Variants in LRMDA observed in about 807,000 individuals in gnomAD.
LRMDA encodes leucine-rich melanocyte differentiation-associated protein.
Under a neutral mutation model 29.8 loss-of-function variants are expected in LRMDA, and 18 were observed. The observed-to-expected ratio is 0.60, with a 90% CI of 0.42 to 0.90. The LOEUF (loss-of-function observed/expected upper bound fraction) is 0.90, where lower values mean the gene tolerates loss of function less well. Ranked by LOEUF, LRMDA falls within the 40% of genes least tolerant of loss-of-function variation. The probability of loss-of-function intolerance (pLI) is 0.00; values close to 1 mark genes in which losing one functional copy is unlikely to be tolerated. For synonymous variants in LRMDA, 125 were observed against 109.4 expected (o/e 1.14, Z -0.89); for missense variants, 273 against 273.9 (o/e 1.00, Z 0.02).
rs575726523 is a variant in LRMDA at position 76,039,592 on chromosome 10, C to T, written c.258+3458C>T. Among the ~76,000 whole-genome samples, 3 of 152,314 alleles carry T rather than the reference C, an allele frequency of 2.0e-5. No individual in the cohort carries two copies. The East Asian group carries it at 5.8e-4, about 29-fold the overall frequency. On this transcript the variant is annotated intron_variant, in intron 3 of 6. Coordinates refer to ENST00000611255, the MANE Select transcript of LRMDA (RefSeq NM_001305581.2). ...AGACCCTGGACACTTGGGTCATTGG[C>T]TTCTTTAATCCTTTAGCAAGAGGGA...
intron 5 of LRMDA, among the ~76,000 whole-genome samples, chr10:76,141,109 AC>A (rs1267383393): frequency 6.6e-6 from 1 of 152,018 alleles, no homozygotes; most frequent in Non-Finnish European, 1.5e-5. Context: ...AAATGTGTAT[AC>A]CTTTTCTGCT....
rs534583653 is a variant in LRMDA at position 76,340,327 on chromosome 10, C to T, written c.601+15842C>T. Among the ~76,000 whole-genome samples, 41 of 151,840 alleles carry T rather than the reference C, an allele frequency of 2.7e-4. 1 individual carries two copies. In the South Asian group the frequency reaches 3.1e-3, roughly 12 times the overall value. ...GCTCAGGAGTTTGAGATCGGCCTGG[C>T]CAATATGGCAAAACCTTGTCTCTAC... On this transcript the variant is annotated intron_variant, in intron 6 of 6. Coordinates refer to ENST00000611255, the MANE Select transcript of LRMDA (RefSeq NM_001305581.2).
intron 6 of LRMDA, among the ~76,000 whole-genome samples, chr10:76,460,731 A>G (rs898090408): frequency 6.6e-6 from 1 of 152,172 alleles, no homozygotes; most frequent in African/African-American, 2.4e-5. Context: ...TGCAGATACC[A>G]CCAGCACTCT....
At chr10:75,702,449 T>C (rs891976628) in intron 2 of LRMDA, among the ~76,000 whole-genome samples, 2 of 152,206 alleles carry the variant, frequency 1.3e-5, no homozygotes, top group African/African-American at 4.8e-5. Flanking sequence ...ACCAAGACTT[T>C]AGGGGCCCAC....
chr10:76,370,161 A>G (rs1014516652), intron 6 of LRMDA, among the ~76,000 whole-genome samples: 1 of 152,128 alleles, frequency 6.6e-6, no homozygotes, highest in Non-Finnish European at 1.5e-5. Context: ...GCTTTATGCC[A>G]AAAGAATTCC....
intron 2 of LRMDA, among the ~76,000 whole-genome samples, chr10:75,931,333 G>A (rs1846202092): frequency 6.6e-6 from 1 of 152,126 alleles, no homozygotes; most frequent in Non-Finnish European, 1.5e-5. Context: ...ATGTGACCTT[G>A]CCTGAACATA....
chr10:76,238,017 C>T (rs1030170194), intron 5 of LRMDA, among the ~76,000 whole-genome samples: 2 of 152,036 alleles, frequency 1.3e-5, no homozygotes, highest in Non-Finnish European at 2.9e-5. Flanking sequence ...TCTTGAACTC[C>T]TGACCTCAGG....
chr10:76,429,918 G>A (rs1450084510), intron 6 of LRMDA, among the ~76,000 whole-genome samples: 3 of 152,234 alleles, frequency 2.0e-5, no homozygotes, highest in South Asian at 2.1e-4. Flanking sequence ...TAAAAAGAAA[G>A]CAAATGTGAG....
intron 2 of LRMDA, among the ~76,000 whole-genome samples, chr10:75,661,693 G>T (rs940153221): frequency 6.6e-6 from 1 of 152,164 alleles, no homozygotes; most frequent in East Asian, 1.9e-4. Flanking sequence ...ACATGAACAA[G>T]TGTGGCACCC....
Position 76,537,327 on chromosome 10 carries a change from G to A in LRMDA, c.602-19882G>A, listed in dbSNP as rs138042561. ...TTGAGCACATGTGTGCACACACACA[G>A]TCATATGTGTATATTTTAATCATAA... On this transcript the variant is annotated intron_variant, in intron 6 of 6. Transcript: ENST00000611255. Among the ~76,000 whole-genome samples, 1,163 of 152,320 alleles carry A rather than the reference G, an allele frequency of 7.6e-3. 11 individuals carry two copies. Among genetic ancestry groups the A allele is most frequent in the African/African-American group, 0.026 (1,088 of 41,568 alleles).
At chr10:75,806,344 T>G (rs912184211) in intron 2 of LRMDA, among the ~76,000 whole-genome samples, 4 of 151,892 alleles carry the variant, frequency 2.6e-5, no homozygotes, top group Admixed American at 6.5e-5. Flanking sequence ...GCGTCAGCAT[T>G]CTTGAGAATT....
intron 2 of LRMDA, among the ~76,000 whole-genome samples, chr10:75,808,815 C>T (rs2132269209): frequency 6.6e-6 from 1 of 152,222 alleles, no homozygotes; most frequent in South Asian, 2.1e-4. Flanking sequence ...GCCTGATGGT[C>T]ATACTTTTTA....
chr10:75,596,059 G>T (rs1396048087), intron 2 of LRMDA, among the ~76,000 whole-genome samples: 1 of 152,180 alleles, frequency 6.6e-6, no homozygotes, highest in African/African-American at 2.4e-5. Flanking sequence ...ATGTGTATAT[G>T]TGTGTATGTA....
intron 6 of LRMDA, among the ~76,000 whole-genome samples, chr10:76,556,839 T>C (rs1843563865): frequency 6.6e-6 from 1 of 152,188 alleles, no homozygotes; most frequent in African/African-American, 2.4e-5. Context: ...GCTGGGTTCA[T>C]CTTTAAACTC....
chr10:76,238,055 T>C (rs1852189555), intron 5 of LRMDA, among the ~76,000 whole-genome samples: 1 of 152,142 alleles, frequency 6.6e-6, no homozygotes, highest in Non-Finnish European at 1.5e-5. Flanking sequence ...CCTCCCAAAC[T>C]GCTGGGATTA....
At chr10:75,711,018 T>C (rs1463060817) in intron 2 of LRMDA, among the ~76,000 whole-genome samples, 1 of 152,268 alleles carries the variant, frequency 6.6e-6, no homozygotes, top group East Asian at 1.9e-4. Context: ...GGTTTGTTTG[T>C]GGAAGCGGTC....
In LRMDA at chr10:75,734,465, C is replaced by T. The variant is rs568375795; in HGVS notation, c.131+295971C>T. ...TGGAAATATCACTTCCTCTCTAGGT[C>T]TCGGTCCCTACTGTTTAGACTAGAC... On this transcript the variant is annotated intron_variant, in intron 2 of 6. Coordinates refer to ENST00000611255, the MANE Select transcript of LRMDA (RefSeq NM_001305581.2). 8.5e-5 allele frequency among the ~76,000 whole-genome samples: 13 copies of T among 152,296 alleles called. No individual in the cohort carries two copies. In the East Asian group the frequency reaches 2.5e-3, roughly 29 times the overall value.
At chr10:76,095,764 T>C (rs1026316046) in intron 5 of LRMDA, among the ~76,000 whole-genome samples, 8 of 152,250 alleles carry the variant, frequency 5.3e-5, no homozygotes, top group Non-Finnish European at 2.9e-5. Context: ...ATTTTCTTAA[T>C]GACTAATGAT....
intron 6 of LRMDA, among the ~76,000 whole-genome samples, chr10:76,454,265 G>A (rs1207424124): frequency 1.3e-5 from 2 of 152,152 alleles, no homozygotes; most frequent in Non-Finnish European, 2.9e-5. Flanking sequence ...TGATTGCATT[G>A]AGGATTCTAA....
Sources: gnomAD v4.1 joint callset for allele counts (sites outside exome capture counted in the v4.1 genomes callset) on GRCh38, gnomAD v4.1.1 for gene constraint, MANE v1.5 for transcripts, NCBI Gene and HGNC (gene_info 2026-07-23, HGNC 2026-07-21) for gene names.